The following CACNA1B variants were observed in gnomAD, a reference collection of about 807,000 sequenced individuals.
CACNA1B encodes the protein calcium voltage-gated channel subunit alpha1 B.
In CACNA1B, 70 loss-of-function variants were observed where a neutral mutation model predicts 247.2. The observed-to-expected ratio is 0.28, with a 90% CI of 0.23 to 0.35. The LOEUF (loss-of-function observed/expected upper bound fraction) is 0.35, where lower values mean the gene tolerates loss of function less well. Among genes scored for constraint, CACNA1B ranks in the 10% least tolerant of loss-of-function variants. The pLI is 1.00. For synonymous variants in CACNA1B, 1,231 were observed against 1,294.4 expected (o/e 0.95, Z 1.05); for missense variants, 2,367 against 3,197.4 (o/e 0.74, Z 6.26).
chr9:138,052,253 T>TGGGC lies in CACNA1B; in HGVS notation c.3807+66_3807+67insGGCG. The TGGGC allele has an allele frequency of 2.4e-6, 2 of 844,040 alleles. No individual in the cohort carries two copies. Among genetic ancestry groups the TGGGC allele is most frequent in the African/African-American group, 1.7e-5 (1 of 58,618 alleles). The allele number at this position is 844,040 out of a possible 1,614,324, so 52.3% of individuals were successfully genotyped here. A position where few individuals can be genotyped will look rare whatever the true frequency, so the allele number is the denominator to read the frequency against. On this transcript the variant is annotated intron_variant, in intron 25 of 46. Transcript: ENST00000371372. The surrounding 1 kb of genome is among the most constrained non-coding windows in gnomAD (Gnocchi z 5.1). The stretch of plus-strand genomic sequence containing the variant: ...GTGTGTGCGTGTGTGTGTGTGCGTG[T>TGGGC]GTGTGTGTGTATGCATGCAGTGCAT...
Position 137,913,312 on chromosome 9 carries a change from C to T in CACNA1B, c.622+41C>T. 1 of 1,447,910 alleles carries T rather than the reference C, an allele frequency of 6.9e-7. No individual in the cohort carries two copies. The allele number at this position is 1,447,910 out of a possible 1,614,324, so 89.7% of individuals were successfully genotyped here. ...ACAGGCCCAAGCCGGCTTGGAGTAA[C>T]AACCTCCTCTCCTACCCTCACCACG... On this transcript the variant is annotated intron_variant, in intron 4 of 46. Transcript: ENST00000371372. This position sits in a 1 kb window ranked among gnomAD's most constrained non-coding sequence, Gnocchi z 5.2.
intron 10 of CACNA1B, among the ~76,000 whole-genome samples, chr9:137,964,139 A>C (rs1164663551): frequency 6.6e-6 from 1 of 152,024 alleles, no homozygotes; most frequent in East Asian, 1.9e-4. Context: ...CCTTCACTTC[A>C]ACCTTAGAGA....
chr9:138,065,490 G>T (rs1392025162), intron 31 of CACNA1B, among the ~76,000 whole-genome samples: 1 of 152,184 alleles, frequency 6.6e-6, no homozygotes, highest in Admixed American at 6.5e-5. Context: ...GCAGGCCCAG[G>T]CAGTCCCGGG....
At chr9:138,065,235 A>G (rs989370874) in intron 31 of CACNA1B, among the ~76,000 whole-genome samples, 4 of 152,074 alleles carry the variant, frequency 2.6e-5, no homozygotes, top group Non-Finnish European at 5.9e-5. Flanking sequence ...TGCTCCTGCC[A>G]CACATACCCG....
chr9:137,915,433 G>A (rs1428235864), intron 5 of CACNA1B, among the ~76,000 whole-genome samples: 1 of 152,124 alleles, frequency 6.6e-6, no homozygotes, highest in African/African-American at 2.4e-5. Flanking sequence ...GTATTTGTAG[G>A]TAAAGCCAAC....
In CACNA1B at chr9:137,986,667, C is replaced by A. The variant is rs1958365692; in HGVS notation, c.1902-115C>A. 7.1e-7 allele frequency: 1 copy of A among 1,417,660 alleles called. No homozygotes were observed. Among genetic ancestry groups the A allele is most frequent in the Non-Finnish European group, 1.0e-6 (1 of 1,004,258 alleles). The allele number at this position is 1,417,660 out of a possible 1,614,324, so 87.8% of individuals were successfully genotyped here. A position where few individuals can be genotyped will look rare whatever the true frequency, so the allele number is the denominator to read the frequency against. Reference sequence around the variant, plus strand: ...CCACCAGGAAGGTCCTCAGAGGGGCCAGTGTGCAGCCATCTGCAGCCTGAA... The same window carrying A: ...CCACCAGGAAGGTCCTCAGAGGGGCAAGTGTGCAGCCATCTGCAGCCTGAA... On this transcript the variant is annotated intron_variant, in intron 14 of 46. Coordinates refer to ENST00000371372, the MANE Select transcript of CACNA1B (RefSeq NM_000718.4). This position sits in a 1 kb window ranked among gnomAD's most constrained non-coding sequence, Gnocchi z 6.0.
intron 20 of CACNA1B, among the ~76,000 whole-genome samples, chr9:138,034,036 G>A (rs1180689671): frequency 6.6e-6 from 1 of 152,126 alleles, no homozygotes; most frequent in Non-Finnish European, 1.5e-5. Context: ...TGCTAGGCTG[G>A]GCTGGGAGTT....
rs1440887333 is a variant in CACNA1B, at chr9:137,954,879, T to TGTGTGTGTGTGAGAGA, written c.1071-818_1071-817insTGTGTGTGTGAGAGAG. Among the ~76,000 whole-genome samples the TGTGTGTGTGTGAGAGA allele has an allele frequency of 6.9e-6, 1 of 145,194 alleles. No individual in the cohort carries two copies. The highest frequency in any genetic ancestry group is 2.6e-5 in the African/African-American group (1 of 38,622). On this transcript the variant is annotated intron_variant, in intron 7 of 46. Coordinates refer to ENST00000371372, the MANE Select transcript of CACNA1B (RefSeq NM_000718.4). This position sits in a 1 kb window ranked among gnomAD's most constrained non-coding sequence, Gnocchi z 4.1. Reference sequence around the variant, plus strand: ...GCTTGTGTGTGTGTGTGTGTGTGTGTGAGAGAGAGAGAGAGAGAGAGAGGG... The same window carrying TGTGTGTGTGTGAGAGA: ...GCTTGTGTGTGTGTGTGTGTGTGTGTGTGTGTGTGTGAGAGAGAGAGAGAGAGAGAGAGAGAGAGGG...
chr9:138,025,540 G>T (rs1300852417), intron 20 of CACNA1B, among the ~76,000 whole-genome samples: 1 of 152,224 alleles, frequency 6.6e-6, no homozygotes. Context: ...GCTGGCTGAG[G>T]ACTCTGTCCA....
intron 3 of CACNA1B, chr9:137,883,104 C>T: frequency 3.5e-6 from 2 of 568,822 alleles, no homozygotes; most frequent in Non-Finnish European, 6.3e-6. Flanking sequence ...GCTGACGGAT[C>T]ACAGTGACCT....
intron 3 of CACNA1B, among the ~76,000 whole-genome samples, chr9:137,897,182 A>T (rs12005582): frequency 0.13 from 19,632 of 151,678 alleles, 3,308 homozygotes; most frequent in African/African-American, 0.39. Flanking sequence ...ATTCTGTTTG[A>T]TTTGAGTTTA....
chr9:138,075,896 G>A lies in CACNA1B; in HGVS notation c.4935G>A (p.Leu1645=), dbSNP rs760466437. The change falls in exon 35 of 47, where the codon CTG becomes CTA. Residue 1645 remains leucine (L), a synonymous_variant. Coordinates refer to ENST00000371372, the MANE Select transcript of CACNA1B (RefSeq NM_000718.4). ...ACTTCCGGACGTTTTTGCAAGCCCT[G>A]ATGCTGCTGTTCAGGTGTGTTGTTC... ...HNNFRTFLQA[L]MLLFRSATGE... The A allele has an allele frequency of 1.9e-6, 3 of 1,609,192 alleles. No homozygotes were observed. In the South Asian group the frequency reaches 3.3e-5, roughly 18 times the overall value.
At chr9:137,939,126 A>G (rs1589019696) in intron 6 of CACNA1B, among the ~76,000 whole-genome samples, 1 of 152,198 alleles carries the variant, frequency 6.6e-6, no homozygotes, top group Admixed American at 6.5e-5. Context: ...ATAGTGGGGA[A>G]CTTCAGTACT....
At chr9:138,023,889 T>C (rs572398484) in intron 19 of CACNA1B, 78 bp downstream of exon 19, 3 of 734,340 alleles carry the variant, frequency 4.1e-6, no homozygotes, top group East Asian at 5.9e-5. Context: ...GCTGCGGCCA[T>C]GGGGTCCACG....
chr9:138,102,613 C>T lies in CACNA1B; in HGVS notation c.5223-98C>T. On this transcript the variant is annotated intron_variant, in intron 37 of 46. Transcript: ENST00000371372. The surrounding 1 kb of genome is among the most constrained non-coding windows in gnomAD (Gnocchi z 5.4). The stretch of plus-strand genomic sequence containing the variant: ...GCTCTGTTTTCTTGTCTGCTTCCTC[C>T]CTGCCCCTACCCCGCTCCCCTCCCC... 1.7e-6 allele frequency: 1 copy of T among 571,666 alleles called. No individual in the cohort carries two copies. Among genetic ancestry groups the T allele is most frequent in the Non-Finnish European group, 3.1e-6 (1 of 318,992 alleles). 35.4% of individuals were successfully genotyped at this position (571,666 alleles called of 1,614,324 possible).
intron 18 of CACNA1B, among the ~76,000 whole-genome samples, chr9:138,016,714 G>A (rs1489796722): frequency 6.6e-6 from 1 of 152,004 alleles, no homozygotes; most frequent in African/African-American, 2.4e-5. Flanking sequence ...TCCTTTGTTA[G>A]TCTATGCTGC....
chr9:137,951,874 G>T (rs1187311658), intron 6 of CACNA1B, among the ~76,000 whole-genome samples: 1 of 152,234 alleles, frequency 6.6e-6, no homozygotes, highest in East Asian at 1.9e-4. Context: ...CCTTCAGGAG[G>T]ACATGGCTTT....
intron 18 of CACNA1B, among the ~76,000 whole-genome samples, chr9:138,017,390 G>A (rs1194416788): frequency 6.6e-6 from 1 of 152,240 alleles, no homozygotes; most frequent in Non-Finnish European, 1.5e-5. Context: ...TCCTGCCACG[G>A]GGTCAGACCC....
chr9:138,107,940 G>A (rs1046660802), intron 39 of CACNA1B, among the ~76,000 whole-genome samples: 21 of 151,230 alleles, frequency 1.4e-4, no homozygotes, highest in Admixed American at 2.6e-4. Flanking sequence ...AGCCGAGATT[G>A]CGCCACTGCA....
Sources: gnomAD v4.1 joint callset for allele counts (sites outside exome capture counted in the v4.1 genomes callset) on GRCh38, gnomAD v4.1.1 for gene constraint, Gnocchi (gnomAD v3.1) non-coding constraint, MANE v1.5 for transcripts, NCBI Gene and HGNC (gene_info 2026-07-23, HGNC 2026-07-21) for gene names.